The following SULF1 variants were observed in gnomAD, a reference collection of about 807,000 sequenced individuals.
SULF1 encodes sulfatase 1, also known as extracellular sulfatase Sulf-1.
A neutral mutation model predicts 110.5 loss-of-function variants in SULF1; 46 were observed. That is an observed-to-expected ratio of 0.42 (90% CI 0.33 to 0.53). The LOEUF (loss-of-function observed/expected upper bound fraction) is 0.53. Ranked by LOEUF, SULF1 falls within the 20% of genes least tolerant of loss-of-function variation. The probability of loss-of-function intolerance (pLI) is 0.12; values close to 1 mark genes in which losing one functional copy is unlikely to be tolerated. For missense variants in SULF1, 941 were observed against 1,094.2 expected, an observed-to-expected ratio of 0.86 and a Z score of 1.98; for synonymous variants, 371 against 387.1, an observed-to-expected ratio of 0.96 and a Z score of 0.49.
At chr8:69,535,936 T>A (rs1813401573) in intron 3 of SULF1, among the ~76,000 whole-genome samples, 1 of 151,690 alleles carries the variant, frequency 6.6e-6, no homozygotes. Context: ...GAGAATTGTT[T>A]GAACCCAGGA....
intron 3 of SULF1, among the ~76,000 whole-genome samples, chr8:69,516,345 A>G (rs1182193480): frequency 1.3e-5 from 2 of 151,636 alleles, no homozygotes; most frequent in African/African-American, 4.9e-5. Flanking sequence ...ACATTGCTGA[A>G]GCAGGAGGAA....
At position 69,601,854 on chromosome 8, in the gene SULF1, T is replaced by C. The variant is rs747197587; in HGVS notation, c.1061+25T>C. On this transcript the variant is annotated intron_variant, in intron 10 of 22. Transcript: ENST00000402687. ...TGTACGTATTTCTCTGTTTGCAACA[T>C]TCAACTGTCGTACCTCAAGTGTGTC... is the stretch of plus-strand genomic sequence containing the variant. 6.3e-6 allele frequency: 10 copies of C among 1,582,996 alleles called. No individual in the cohort carries two copies. In the East Asian group the frequency reaches 1.8e-4, roughly 29 times the overall value.
At chr8:69,552,983 G>A (rs1814838733) in intron 3 of SULF1, among the ~76,000 whole-genome samples, 1 of 152,164 alleles carries the variant, frequency 6.6e-6, no homozygotes, top group African/African-American at 2.4e-5. Context: ...ACCTACACAG[G>A]GACACTATTC....
At chr8:69,606,521 C>A (rs1343903284) in intron 13 of SULF1, among the ~76,000 whole-genome samples, 1 of 152,140 alleles carries the variant, frequency 6.6e-6, no homozygotes, top group African/African-American at 2.4e-5. Flanking sequence ...AATTGGTGAT[C>A]TTGTTACTCT....
intron 1 of SULF1, among the ~76,000 whole-genome samples, chr8:69,470,283 G>C (rs1226569702): frequency 6.6e-6 from 1 of 152,092 alleles, no homozygotes; most frequent in Non-Finnish European, 1.5e-5. Flanking sequence ...TTGGGGAGAA[G>C]GAGGCTCATG....
rs1311519170 is a variant in SULF1 at position 69,603,527 on chromosome 8, A to T, written c.1191-73A>T. 3.7e-6 allele frequency: 5 copies of T among 1,353,182 alleles called. No individual in the cohort carries two copies. The Admixed American group carries it at 8.4e-5, about 23-fold the overall frequency. The allele number at this position is 1,353,182 out of a possible 1,614,324, so 83.8% of individuals were successfully genotyped here. Reference sequence around the variant, plus strand: ...TGGGAAGTGAGAGGTGTTTCTTTAAATAAGCTGTTAGCACAGATCCATTTG... The same window carrying T: ...TGGGAAGTGAGAGGTGTTTCTTTAATTAAGCTGTTAGCACAGATCCATTTG... On this transcript the variant is annotated intron_variant, in intron 11 of 22. Coordinates refer to ENST00000402687, the MANE Select transcript of SULF1 (RefSeq NM_001128205.2).
At chr8:69,492,476 T>C (rs563219516), upstream of SULF1, among the ~76,000 whole-genome samples, 1 of 152,288 alleles carries the variant, frequency 6.6e-6, no homozygotes, top group South Asian at 2.1e-4. Flanking sequence ...ACTTGGTCTC[T>C]GGAACGCCTG....
At chr8:69,502,844 C>A (rs767335168) in intron 3 of SULF1, among the ~76,000 whole-genome samples, 1 of 151,848 alleles carries the variant, frequency 6.6e-6, no homozygotes, top group African/African-American at 2.4e-5. Context: ...CCTGCCACCA[C>A]GCCCAGCTAA....
At chr8:69,616,436 C>A (rs1473231495) in intron 13 of SULF1, among the ~76,000 whole-genome samples, 2 of 151,860 alleles carry the variant, frequency 1.3e-5, no homozygotes, top group African/African-American at 4.8e-5. Context: ...GAATCTTGCT[C>A]TGTCACCCAG....
intron 21 of SULF1, 53 bp downstream of exon 21, chr8:69,638,911 A>C: frequency 1.3e-6 from 2 of 1,548,292 alleles, no homozygotes; most frequent in South Asian, 2.4e-5. Context: ...TCTTTGTGTT[A>C]CTGAGCTTTC....
intron 3 of SULF1, among the ~76,000 whole-genome samples, chr8:69,506,492 A>G (rs1488447909): frequency 2.0e-5 from 3 of 152,252 alleles, no homozygotes; most frequent in East Asian, 3.8e-4. Flanking sequence ...CCTCAAAGCC[A>G]GTGAGCTTAT....
At position 69,643,989 on chromosome 8, in the gene SULF1, T is replaced by C. The variant is rs1811682522; in HGVS notation, c.2585+3148T>C. ...GGAGCTCCTGGCAGCCGTGGCCATG[T>C]GTCCCGGGGGTGTGTGGGGCAGGCG... On this transcript the variant is annotated intron_variant, in intron 22 of 22. Transcript: ENST00000402687. Among the ~76,000 whole-genome samples the C allele has an allele frequency of 2.0e-5, 3 of 152,204 alleles. No individual in the cohort carries two copies. The South Asian group carries it at 6.2e-4, about 32-fold the overall frequency.
chr8:69,567,279 A>G (rs942874033), intron 5 of SULF1, among the ~76,000 whole-genome samples: 2 of 152,122 alleles, frequency 1.3e-5, no homozygotes, highest in Middle Eastern at 3.4e-3. Flanking sequence ...ACTTTTCCTC[A>G]TTTTTCTGTA....
chr8:69,530,485 A>G (rs887555195), intron 3 of SULF1, among the ~76,000 whole-genome samples: 2 of 152,260 alleles, frequency 1.3e-5, no homozygotes, highest in Admixed American at 1.3e-4. Context: ...TACAAATAAA[A>G]ACATTGAAGT....
chr8:69,551,644 C>T (rs1814717844), intron 3 of SULF1, among the ~76,000 whole-genome samples: 1 of 152,140 alleles, frequency 6.6e-6, no homozygotes, highest in Non-Finnish European at 1.5e-5. Context: ...CTGCTTCAGC[C>T]CATGCGAAGG....
intron 9 of SULF1, among the ~76,000 whole-genome samples, 194 bp from the exon 10 acceptor site, chr8:69,601,460 T>C (rs1371096635): frequency 6.6e-6 from 1 of 152,202 alleles, no homozygotes; most frequent in Non-Finnish European, 1.5e-5. Flanking sequence ...TCCAAAAAGT[T>C]ACATTTCACC....
intron 22 of SULF1, among the ~76,000 whole-genome samples, chr8:69,652,359 A>C (rs540717644): frequency 2.0e-5 from 3 of 152,226 alleles, no homozygotes; most frequent in African/African-American, 4.8e-5. Context: ...TATTCTGCCT[A>C]TCACAGCTAT....
chr8:69,571,541 A>G (rs1484498960), intron 5 of SULF1, among the ~76,000 whole-genome samples: 3 of 152,190 alleles, frequency 2.0e-5, no homozygotes, highest in Non-Finnish European at 2.9e-5. Flanking sequence ...CAGCTTTACA[A>G]TTCATATCAT....
chr8:69,623,754 C>A (rs1313235903), intron 14 of SULF1, among the ~76,000 whole-genome samples, 188 bp from the exon 15 acceptor site: 2 of 100,340 alleles, frequency 2.0e-5, no homozygotes, highest in Non-Finnish European at 5.6e-5. Context: ...CAGGCAATGG[C>A]ACTGCCAGGC....
Sources: allele counts gnomAD v4.1 joint callset (sites outside exome capture counted in the v4.1 genomes callset), GRCh38; gene constraint gnomAD v4.1.1; transcripts MANE v1.5; gene names NCBI Gene and HGNC (gene_info 2026-07-23, HGNC 2026-07-21).